EPHA4: variants seen among roughly 807,000 people sequenced by gnomAD.
EPHA4 encodes the protein ephrin type-A receptor 4.
Under a neutral mutation model 108.3 loss-of-function variants are expected in EPHA4, and 19 were observed. The ratio of observed to expected loss-of-function variants is 0.18; its 90% confidence interval spans 0.12 to 0.26. The LOEUF is 0.26. Ranked by LOEUF, EPHA4 falls within the 10% of genes least tolerant of loss-of-function variation. The probability of loss-of-function intolerance (pLI) is 1.00; values close to 1 mark genes in which losing one functional copy is unlikely to be tolerated. For missense variants in EPHA4, 917 were observed against 1,254.0 expected (o/e 0.73, Z 4.06); for synonymous variants, 449 against 455.5 (o/e 0.99, Z 0.18).
chr2:221,468,654 A>G (rs1304768662), intron 5 of EPHA4, among the ~76,000 whole-genome samples: 1 of 152,208 alleles, frequency 6.6e-6, no homozygotes, highest in African/African-American at 2.4e-5. Flanking sequence ...GCACCCAGTA[A>G]ATCTTTGCTG....
intron 5 of EPHA4, among the ~76,000 whole-genome samples, chr2:221,460,425 G>C (rs1297989874): frequency 6.6e-6 from 1 of 152,180 alleles, no homozygotes; most frequent in African/African-American, 2.4e-5. Flanking sequence ...AAAGTATTGT[G>C]TTGTATGGCT....
intron 13 of EPHA4, among the ~76,000 whole-genome samples, chr2:221,435,887 AT>A (rs974667641): frequency 6.6e-6 from 1 of 151,274 alleles, no homozygotes; most frequent in Non-Finnish European, 1.5e-5. Flanking sequence ...TAGAATAAGG[AT>A]TTTTTTTAAA....
intron 12 of EPHA4, 122 bp downstream of exon 12, chr2:221,436,939 T>C (rs1690259670): frequency 2.6e-6 from 2 of 755,526 alleles, no homozygotes; most frequent in African/African-American, 1.7e-5. Flanking sequence ...CCATTTCTCC[T>C]CTTCTTTCTT....
At chr2:221,461,985 C>CTTTTTTT (rs71050335) in intron 5 of EPHA4, among the ~76,000 whole-genome samples, 165 of 138,922 alleles carry the variant, frequency 1.2e-3, no homozygotes, top group East Asian at 3.9e-3. Flanking sequence ...TGAACACATT[C>CTTTTTTT]TTTTTTTTTT....
chr2:221,538,287 A>T (rs1403402330), intron 3 of EPHA4, among the ~76,000 whole-genome samples: 3 of 152,230 alleles, frequency 2.0e-5, no homozygotes, highest in African/African-American at 7.2e-5. Flanking sequence ...TTGTCAATGA[A>T]TTCCAATCTG....
intron 2 of EPHA4, among the ~76,000 whole-genome samples, chr2:221,568,189 G>A (rs1187702488): frequency 6.6e-6 from 1 of 152,100 alleles, no homozygotes; most frequent in East Asian, 1.9e-4. Flanking sequence ...GGGTTTTTTG[G>A]ACACAAGTTC....
chr2:221,500,211 G>C (rs529682496), intron 4 of EPHA4, among the ~76,000 whole-genome samples: 1 of 152,232 alleles, frequency 6.6e-6, no homozygotes, highest in East Asian at 1.9e-4. Context: ...CAGCCACCCA[G>C]CTACACAACA....
At chr2:221,479,962 C>A (rs1691768108) in intron 5 of EPHA4, among the ~76,000 whole-genome samples, 1 of 152,106 alleles carries the variant, frequency 6.6e-6, no homozygotes, top group African/African-American at 2.4e-5. Flanking sequence ...GCAAAGAAAA[C>A]CTTATTGTGT....
At chr2:221,450,843 G>A (rs562711052) in intron 8 of EPHA4, among the ~76,000 whole-genome samples, 6 of 152,158 alleles carry the variant, frequency 3.9e-5, no homozygotes, top group Non-Finnish European at 8.8e-5. Context: ...TCACTACCAA[G>A]TTATCCTTTA....
At chr2:221,485,590 A>G (rs1258551190) in intron 4 of EPHA4, among the ~76,000 whole-genome samples, 1 of 152,204 alleles carries the variant, frequency 6.6e-6, no homozygotes, top group African/African-American at 2.4e-5. Context: ...CAATATGACT[A>G]TGATGTTGGT....
chr2:221,423,545 C>T (rs1315462160), intron 17 of EPHA4, among the ~76,000 whole-genome samples: 1 of 152,092 alleles, frequency 6.6e-6, no homozygotes, highest in Admixed American at 6.5e-5. Context: ...AGACGGTGAC[C>T]TTTGAATAAA....
At chr2:221,435,259 C>T (rs1690196587) in intron 13 of EPHA4, among the ~76,000 whole-genome samples, 1 of 152,134 alleles carries the variant, frequency 6.6e-6, no homozygotes, top group Admixed American at 6.5e-5. Flanking sequence ...ACTGCATTCC[C>T]CCCTGCTTAA....
intron 3 of EPHA4, among the ~76,000 whole-genome samples, chr2:221,537,193 A>T (rs769494869): frequency 1.3e-5 from 2 of 152,188 alleles, no homozygotes; most frequent in Admixed American, 6.5e-5. Context: ...GCCTTCTCTC[A>T]TGGAAGTAGC....
At chr2:221,525,193 A>C (rs1693285714) in intron 3 of EPHA4, among the ~76,000 whole-genome samples, 1 of 152,238 alleles carries the variant, frequency 6.6e-6, no homozygotes, top group Admixed American at 6.5e-5. Context: ...AGGACAGAGC[A>C]GCTGCAAATC....
At chr2:221,573,409 G>C (rs1694908345), upstream of EPHA4, 1 of 152,114 alleles carries the variant, frequency 6.6e-6, no homozygotes, top group Non-Finnish European at 1.5e-5. This position sits in a 1 kb window ranked among gnomAD's most constrained non-coding sequence, Gnocchi z 4.5. Flanking sequence ...CCCGATGCCC[G>C]AGCCGTGGAC....
chr2:221,551,562 T>C (rs1056500313), intron 3 of EPHA4, among the ~76,000 whole-genome samples: 1 of 152,186 alleles, frequency 6.6e-6, no homozygotes, highest in African/African-American at 2.4e-5. Flanking sequence ...AATTATAGTG[T>C]AGGATTCTTG....
intron 3 of EPHA4, among the ~76,000 whole-genome samples, chr2:221,531,866 C>T (rs1036855718): frequency 5.9e-5 from 9 of 152,084 alleles, no homozygotes; most frequent in Non-Finnish European, 1.2e-4. Flanking sequence ...TCTCAGAGAA[C>T]GTGAGAGTCT....
chr2:221,448,431 A>G (rs531324543), intron 8 of EPHA4, among the ~76,000 whole-genome samples: 2 of 152,340 alleles, frequency 1.3e-5, no homozygotes, highest in African/African-American at 4.8e-5. Context: ...ACTTAAAGTG[A>G]ATTCAATTGC....
chr2:221,502,573 C>T (rs1223941883), intron 3 of EPHA4: 1 of 471,238 alleles, frequency 2.1e-6, no homozygotes, highest in Non-Finnish European at 4.4e-6. Context: ...TTGATTCTCT[C>T]TGGAGATAGG....
Sources: allele counts gnomAD v4.1 joint callset (sites outside exome capture counted in the v4.1 genomes callset), GRCh38; gene constraint gnomAD v4.1.1; non-coding constraint Gnocchi (gnomAD v3.1); transcripts MANE v1.5; gene names NCBI Gene and HGNC (gene_info 2026-07-23, HGNC 2026-07-21).